Variants in CHCHD6 observed in about 807,000 individuals in gnomAD.
CHCHD6 encodes the protein coiled-coil-helix-coiled-coil-helix domain containing 6.
Under a neutral mutation model 32.3 loss-of-function variants are expected in CHCHD6, and 28 were observed. The observed-to-expected ratio is 0.87, with a 90% confidence interval of 0.64 to 1.19. The LOEUF is 1.19. CHCHD6 is among the 50% of genes most tolerant of loss of function. The pLI, the probability that CHCHD6 is intolerant of heterozygous loss-of-function variation, is 0.00. For synonymous variants in CHCHD6, 122 were observed against 117.5 expected (o/e 1.04, Z -0.25); for missense variants, 333 against 307.0 (o/e 1.08, Z -0.63).
At position 126,704,352 on chromosome 3, in the gene CHCHD6, T is replaced by G. The variant is rs756671511; in HGVS notation, c.40T>G (p.Phe14Val). The G allele has an allele frequency of 4.4e-6, 7 of 1,596,488 alleles. No homozygotes were observed. Among genetic ancestry groups the G allele is most frequent in the Non-Finnish European group, 6.0e-6 (7 of 1,173,038 alleles). Residue 14 changes from phenylalanine (F) to valine (V), a missense_variant, in exon 1 of 8, where the codon TTC becomes GTC. By Grantham distance (50) the Phe-to-Val change is conservative. Transcript: ENST00000290913. ...GAGCAGCGAGGGCCGCAGGGTGTCC[T>G]TCGGAGTGGACGAGGAGGAGCGGGT... ...TESSEGRRVS[F>V]GVDEEERVRV...
rs554861173 is a variant in CHCHD6, at chr3:126,936,012, C to T, written c.566+21262C>T. Among the ~76,000 whole-genome samples the T allele has an allele frequency of 1.3e-4, 20 of 152,308 alleles. No individual in the cohort carries two copies. The South Asian group carries it at 2.3e-3, about 17-fold the overall frequency. ...AATCCATAGATGGAAAGACCTTGGC[C>T]GCTCCTATGGAATGTACATATGTAC... On this transcript the variant is annotated intron_variant, in intron 6 of 7. Coordinates refer to ENST00000290913, the MANE Select transcript of CHCHD6 (RefSeq NM_032343.3).
chr3:126,943,573 A>G (rs955004466), intron 6 of CHCHD6, among the ~76,000 whole-genome samples: 1 of 152,164 alleles, frequency 6.6e-6, no homozygotes, highest in Non-Finnish European at 1.5e-5. Context: ...CTAAAAACAC[A>G]TGGTCTGCAG....
chr3:126,769,326 G>A (rs756759855), intron 4 of CHCHD6, among the ~76,000 whole-genome samples: 22 of 152,090 alleles, frequency 1.4e-4, no homozygotes, highest in Non-Finnish European at 2.6e-4. Context: ...ATGATTCTTA[G>A]GTATGTGGCA....
intron 4 of CHCHD6, among the ~76,000 whole-genome samples, chr3:126,745,596 C>G (rs879851771): frequency 6.6e-6 from 1 of 152,142 alleles, no homozygotes; most frequent in Non-Finnish European, 1.5e-5. Context: ...AAAGGGACAG[C>G]GAACAGAGTG....
chr3:126,875,356 G>A (rs1156755436), intron 5 of CHCHD6, among the ~76,000 whole-genome samples: 2 of 152,242 alleles, frequency 1.3e-5, no homozygotes, highest in Non-Finnish European at 2.9e-5. Flanking sequence ...GCCTTCTGAA[G>A]AGCAGAGACC....
chr3:126,760,712 G>T (rs781068955), intron 4 of CHCHD6, among the ~76,000 whole-genome samples: 1 of 152,222 alleles, frequency 6.6e-6, no homozygotes, highest in Non-Finnish European at 1.5e-5. Context: ...CCATTGTATG[G>T]ATAGGCCACA....
At chr3:126,716,748 C>T (rs1344528620) in intron 1 of CHCHD6, among the ~76,000 whole-genome samples, 2 of 149,814 alleles carry the variant, frequency 1.3e-5, no homozygotes, top group East Asian at 2.0e-4. Context: ...CTGTTGTGCC[C>T]GGAGGTCATA....
At chr3:126,719,817 G>T (rs1935192896) in intron 1 of CHCHD6, among the ~76,000 whole-genome samples, 1 of 152,030 alleles carries the variant, frequency 6.6e-6, no homozygotes, top group South Asian at 2.1e-4. Flanking sequence ...CCGCTCCCTT[G>T]TCTGTTTGCC....
chr3:126,885,341 T>C (rs1000291441), intron 5 of CHCHD6, among the ~76,000 whole-genome samples: 1 of 152,196 alleles, frequency 6.6e-6, no homozygotes, highest in Non-Finnish European at 1.5e-5. Flanking sequence ...CGATTATTTT[T>C]TTTCTCCTTC....
intron 5 of CHCHD6, among the ~76,000 whole-genome samples, chr3:126,911,722 T>C (rs2078093612): frequency 6.6e-6 from 1 of 152,196 alleles, no homozygotes; most frequent in East Asian, 1.9e-4. Context: ...CCAAGCACTA[T>C]CCAAATTCAC....
chr3:126,739,194 T>C (rs1167648077), intron 4 of CHCHD6, among the ~76,000 whole-genome samples: 1 of 152,240 alleles, frequency 6.6e-6, no homozygotes, highest in Non-Finnish European at 1.5e-5. Context: ...AGCCCCTTTC[T>C]TTACTTCCTT....
At chr3:126,716,423 T>G (rs1376029505) in intron 1 of CHCHD6, among the ~76,000 whole-genome samples, 1 of 152,114 alleles carries the variant, frequency 6.6e-6, no homozygotes, top group Non-Finnish European at 1.5e-5. Context: ...TTGAACCTCC[T>G]GGGCCCTTAG....
intron 6 of CHCHD6, among the ~76,000 whole-genome samples, chr3:126,945,414 C>T (rs1365669306): frequency 6.6e-6 from 1 of 151,538 alleles, no homozygotes; most frequent in Non-Finnish European, 1.5e-5. Context: ...GGAGCAGACT[C>T]GAGCAGGGAG....
At chr3:126,822,318 A>G (rs771225896) in intron 4 of CHCHD6, among the ~76,000 whole-genome samples, 8 of 152,078 alleles carry the variant, frequency 5.3e-5, no homozygotes, top group Admixed American at 3.3e-4. Context: ...TGAAAAGACT[A>G]TTTTTTTCCT....
intron 6 of CHCHD6, among the ~76,000 whole-genome samples, chr3:126,923,347 T>TGCTTACTG (rs755517802): frequency 6.6e-6 from 1 of 152,260 alleles, no homozygotes. Flanking sequence ...GCATCTTTTC[T>TGCTTACTG]GCTTACTGTT....
In CHCHD6 at chr3:126,894,781, G is replaced by A. The variant is rs927173622; in HGVS notation, c.496-19899G>A. 2.0e-5 allele frequency among the ~76,000 whole-genome samples: 3 copies of A among 152,218 alleles called. No individual in the cohort carries two copies. In the East Asian group the frequency reaches 5.8e-4, roughly 29 times the overall value. On this transcript the variant is annotated intron_variant, in intron 5 of 7. Coordinates refer to ENST00000290913, the MANE Select transcript of CHCHD6 (RefSeq NM_032343.3). ...GGGCCATACAGCTGCAGCAGGAGCA[G>A]CACTGCAGTTGTCCTTCCAGCATGT...
At chr3:126,848,948 T>C (rs1193551656) in intron 4 of CHCHD6, among the ~76,000 whole-genome samples, 4 of 152,226 alleles carry the variant, frequency 2.6e-5, no homozygotes, top group Admixed American at 6.5e-5. Context: ...CTATTTCTAT[T>C]GTCACCTACA....
chr3:126,746,079 G>A (rs71327772), intron 4 of CHCHD6, among the ~76,000 whole-genome samples: 2 of 152,210 alleles, frequency 1.3e-5, no homozygotes, highest in Non-Finnish European at 2.9e-5. Flanking sequence ...GGGTGGCTTA[G>A]GGGTATTGCT....
At chr3:126,790,789 A>T (rs1435746726) in intron 4 of CHCHD6, among the ~76,000 whole-genome samples, 1 of 152,004 alleles carries the variant, frequency 6.6e-6, no homozygotes, top group African/African-American at 2.4e-5. Flanking sequence ...TAGCTCAGAG[A>T]AGTTTGATTG....
Sources: gnomAD v4.1 joint callset for allele counts (sites outside exome capture counted in the v4.1 genomes callset) on GRCh38, gnomAD v4.1.1 for gene constraint, MANE v1.5 for transcripts, NCBI Gene and HGNC (gene_info 2026-07-23, HGNC 2026-07-21) for gene names.